CA9: variants seen among roughly 807,000 people sequenced by gnomAD.
The protein encoded by CA9 is CA-IX.
Under a neutral mutation model 51.8 loss-of-function variants are expected in CA9, and 43 were observed. The ratio of observed to expected loss-of-function variants is 0.83; its 90% CI spans 0.65 to 1.07. The LOEUF (loss-of-function observed/expected upper bound fraction) is 1.07. CA9 is among the 50% of genes least tolerant of loss of function. The pLI, the probability that CA9 is intolerant of heterozygous loss-of-function variation, is 0.00. For synonymous variants in CA9, 253 were observed against 244.2 expected, an observed-to-expected ratio of 1.04 and a Z score of -0.34; for missense variants, 574 against 581.4, an observed-to-expected ratio of 0.99 and a Z score of 0.13.
intron 6 of CA9, among the ~76,000 whole-genome samples, chr9:35,678,129 G>A (rs571414014): frequency 1.3e-5 from 2 of 152,148 alleles, no homozygotes; most frequent in East Asian, 1.9e-4. Flanking sequence ...GGTGGATCAC[G>A]AGGTCAAGAG....
At position 35,679,176 on chromosome 9, in the gene CA9, T is replaced by C. The variant is rs1332726262; in HGVS notation, c.908-9T>C. On this transcript the variant is annotated splice_polypyrimidine_tract_variant and intron_variant, in intron 6 of 10. Transcript: ENST00000378357. ...GTAGATGAGACCCCAACATAGATCC[T>C]CTTCACAGGCTCAGAGACTCAGGTC... 1 of 1,613,918 alleles carries C rather than the reference T, an allele frequency of 6.2e-7. No individual in the cohort carries two copies. The highest frequency in any genetic ancestry group is 1.3e-5 in the African/African-American group (1 of 74,902).
chr9:35,679,985 G>C lies in CA9; in HGVS notation c.1197G>C (p.Arg399=). Residue 399 remains arginine, a synonymous_variant, in exon 8 of 11, where the codon CGG becomes CGC. Coordinates refer to ENST00000378357, the MANE Select transcript of CA9 (RefSeq NM_001216.3). The part of the protein sequence containing the change: ...SFPAGVDSSP[R]AAEPVQLNSC... ...CTGCTGGAGTGGACAGCAGTCCTCG[G>C]GCTGCTGAGCCAGGTACAGCTTTGT... 2 of 1,614,186 alleles carry C rather than the reference G, an allele frequency of 1.2e-6. No homozygotes were observed. The highest frequency in any genetic ancestry group is 2.7e-5 in the African/African-American group (2 of 75,034).
rs1824541754 is a variant in CA9, at chr9:35,681,037, TG to T, written c.*14del. On this transcript the variant is annotated 3_prime_UTR_variant, in exon 11 of 11. Transcript: ENST00000378357. Reference sequence around the variant, plus strand: ...AGACTGGAGCCTAGAGGCTGGATCTTGGAGAATGTGAGAAGCCAGCCAGAGG... The same window carrying T: ...AGACTGGAGCCTAGAGGCTGGATCTTGAGAATGTGAGAAGCCAGCCAGAGG... 2.5e-6 allele frequency: 4 copies of T among 1,612,672 alleles called. No individual in the cohort carries two copies. The highest frequency in any genetic ancestry group is 3.4e-6 in the Non-Finnish European group (4 of 1,179,550).
chr9:35,674,408 A>G (rs1402819550), intron 1 of CA9, 46 bp downstream of exon 1: 3 of 1,550,008 alleles, frequency 1.9e-6, no homozygotes, highest in Non-Finnish European at 2.6e-6. Flanking sequence ...GAGGTTCATG[A>G]CTCCCCTCCC....
chr9:35,676,252 CG>C (rs1824420414), intron 4 of CA9, 44 bp from the exon 5 acceptor site: 1 of 1,613,390 alleles, frequency 6.2e-7, no homozygotes, highest in Non-Finnish European at 8.5e-7. Context: ...CGGGGCGGAG[CG>C]GGGCCAGAGA....
In CA9 at chr9:35,676,353, C is replaced by A. The variant is rs755541700; in HGVS notation, c.804C>A (p.Arg268=). The part of the protein sequence containing the change: ...AFARVDEALG[R]PGGLAVLAAF... ...CCAGAGTTGACGAGGCCTTGGGGCG[C>A]CCGGGAGGCCTGGCCGTGTTGGCCG... The change falls in exon 5 of 11, where the codon CGC becomes CGA. Residue 268 remains arginine (R), a synonymous_variant. Coordinates refer to ENST00000378357, the MANE Select transcript of CA9 (RefSeq NM_001216.3). 2.0e-5 allele frequency: 32 copies of A among 1,613,892 alleles called. No homozygotes were observed. Among genetic ancestry groups the A allele is most frequent in the Non-Finnish European group, 2.6e-5 (31 of 1,179,998 alleles).
chr9:35,679,044 T>C lies in CA9; in HGVS notation c.908-141T>C, dbSNP rs892394094. 44 of 801,120 alleles carry C rather than the reference T, an allele frequency of 5.5e-5. No individual in the cohort carries two copies. The Middle Eastern group carries it at 1.9e-3, about 35-fold the overall frequency. 49.6% of individuals were successfully genotyped at this position (801,120 alleles called of 1,614,324 possible). A position where few individuals can be genotyped will look rare whatever the true frequency, so the allele number is the denominator to read the frequency against. ...GTACTTTTTTTTGAGTTACGTCTTA[T>C]GGGAAGGGCCTGCACTTAGCGAAGA... On this transcript the variant is annotated intron_variant, in intron 6 of 10. Coordinates refer to ENST00000378357, the MANE Select transcript of CA9 (RefSeq NM_001216.3).
At position 35,676,331 on chromosome 9, in the gene CA9, G is replaced by C; in HGVS notation, c.782G>C (p.Arg261Thr). 1 of 1,614,104 alleles carries C rather than the reference G, an allele frequency of 6.2e-7. No individual in the cohort carries two copies. Among genetic ancestry groups the C allele is most frequent in the Admixed American group, 1.7e-5 (1 of 60,034 alleles). Reference protein sequence around the residue: ...HVVHLSTAFARVDEALGRPGG... With the variant: ...HVVHLSTAFATVDEALGRPGG... ...GTTCACCTCAGCACCGCCTTTGCCA[G>C]AGTTGACGAGGCCTTGGGGCGCCCG... The change falls in exon 5 of 11, where the codon AGA becomes ACA. Residue 261 changes from arginine to threonine, a missense_variant. By Grantham distance (71) the Arg-to-Thr change is moderately conservative. Transcript: ENST00000378357.
At chr9:35,680,600 C>G (rs1263445345) in intron 9 of CA9, 153 bp from the exon 10 acceptor site, 2 of 648,540 alleles carry the variant, frequency 3.1e-6, no homozygotes, top group Admixed American at 2.7e-5. Context: ...TGTATCCACC[C>G]TCATCCCTTG....
chr9:35,679,281 C>T lies in CA9; in HGVS notation c.1004C>T (p.Pro335Leu), dbSNP rs1460077099. ...TATGAGGGGTCTCTGACTACACCGCCCTGTGCCCAGGGTGTCATCTGGACT... is the reference window on the plus strand; with the variant it reads ...TATGAGGGGTCTCTGACTACACCGCTCTGTGCCCAGGGTGTCATCTGGACT... ...FQYEGSLTTP[P>L]CAQGVIWTVF... The change falls in exon 7 of 11, where the codon CCC becomes CTC. Residue 335 changes from proline to leucine, a missense_variant. Physicochemically the swap from Pro to Leu is moderately conservative, Grantham distance 98. Coordinates refer to ENST00000378357, the MANE Select transcript of CA9 (RefSeq NM_001216.3). 2 of 1,614,188 alleles carry T rather than the reference C, an allele frequency of 1.2e-6. No individual in the cohort carries two copies. Among genetic ancestry groups the T allele is most frequent in the Non-Finnish European group, 1.7e-6 (2 of 1,180,028 alleles).
chr9:35,678,057 G>A (rs1476563769), intron 6 of CA9, among the ~76,000 whole-genome samples: 1 of 152,072 alleles, frequency 6.6e-6, no homozygotes, highest in African/African-American at 2.4e-5. Context: ...TGAAAACCAA[G>A]CAAAAACCGC....
Position 35,676,289 on chromosome 9 carries a change from C to T in CA9, c.748-8C>T. On this transcript the variant is annotated splice_polypyrimidine_tract_variant and splice_region_variant and intron_variant, in intron 4 of 10. Transcript: ENST00000378357. ...CGTGGCCCTCTCCTACCCTCGTGTC[C>T]TTTTCAGATCCACGTGGTTCACCTC... The T allele has an allele frequency of 1.2e-6, 2 of 1,614,040 alleles. No homozygotes were observed. Among genetic ancestry groups the T allele is most frequent in the Non-Finnish European group, 8.5e-7 (1 of 1,180,022 alleles).
Position 35,681,106 on chromosome 9 carries a change from G to A in CA9, c.*81G>A, listed in dbSNP as rs562526972. The stretch of plus-strand genomic sequence containing the variant: ...GTAACTGTCCTGTCCTGCTCATTAT[G>A]CCACTTCCTTTTAACTGCCAAGAAA... On this transcript the variant is annotated 3_prime_UTR_variant, in exon 11 of 11. Coordinates refer to ENST00000378357, the MANE Select transcript of CA9 (RefSeq NM_001216.3). The A allele has an allele frequency of 4.5e-4, 487 of 1,074,316 alleles. No homozygotes were observed. The highest frequency in any genetic ancestry group is 8.1e-5 in the African/African-American group (5 of 61,866). The allele number at this position is 1,074,316 out of a possible 1,614,324, so 66.5% of individuals were successfully genotyped here.
At chr9:35,678,150 T>A (rs997209585) in intron 6 of CA9, among the ~76,000 whole-genome samples, 1 of 151,770 alleles carries the variant, frequency 6.6e-6, no homozygotes, top group Non-Finnish European at 1.5e-5. Flanking sequence ...ATCAAGACCA[T>A]CCTGGCCAAC....
chr9:35,676,515 C>T lies in CA9; in HGVS notation c.840+126C>T, dbSNP rs187336941. ...GGCCCCTGGCTGACAAACTCATTCA[C>T]GCACTGTTTGTTCATTTAACACCCA... On this transcript the variant is annotated intron_variant, in intron 5 of 10. Transcript: ENST00000378357. 3.1e-5 allele frequency: 23 copies of T among 740,410 alleles called. No homozygotes were observed. The African/African-American group carries it at 3.7e-4, about 12-fold the overall frequency. The allele number at this position is 740,410 out of a possible 1,614,324, so 45.9% of individuals were successfully genotyped here.
chr9:35,679,713 T>C (rs1372941498), intron 7 of CA9, 141 bp from the exon 8 acceptor site: 1 of 776,972 alleles, frequency 1.3e-6, no homozygotes, highest in African/African-American at 1.8e-5. Context: ...CATTTATTTA[T>C]TTATAAAAGA....
chr9:35,676,471 A>G, intron 5 of CA9, 82 bp downstream of exon 5: 4 of 1,152,514 alleles, frequency 3.5e-6, no homozygotes, highest in Non-Finnish European at 5.1e-6. Context: ...CAGAGACCCC[A>G]TCCCAGCAAG....
In CA9 at chr9:35,675,756, C is replaced by T. The variant is rs751102523; in HGVS notation, c.434-5C>T. The stretch of plus-strand genomic sequence containing the variant: ...AGACTTCCTCACTATACTCTCCCAC[C>T]CCAGGCGACCCGCCCTGGCCCCGGG... On this transcript the variant is annotated splice_region_variant and splice_polypyrimidine_tract_variant and intron_variant, in intron 2 of 10. Transcript: ENST00000378357. 1.2e-6 allele frequency: 2 copies of T among 1,601,028 alleles called. No homozygotes were observed. Among genetic ancestry groups the T allele is most frequent in the Non-Finnish European group, 8.5e-7 (1 of 1,177,666 alleles).
At chr9:35,674,568 A>C in intron 1 of CA9, 1 of 539,434 alleles carries the variant, frequency 1.9e-6, no homozygotes, top group East Asian at 3.0e-5. Context: ...AAGGGTGCAA[A>C]AGGAGAGAGG....
Sources: allele counts gnomAD v4.1 joint callset (sites outside exome capture counted in the v4.1 genomes callset), GRCh38; gene constraint gnomAD v4.1.1; transcripts MANE v1.5; gene names NCBI Gene and HGNC (gene_info 2026-07-23, HGNC 2026-07-21).